Variants in CSMD2 observed in about 807,000 individuals in gnomAD.
The protein encoded by CSMD2 is CUB and Sushi multiple domains 2.
In CSMD2, 130 loss-of-function variants were observed where a neutral mutation model predicts 398.5. The ratio of observed to expected loss-of-function variants is 0.33; its 90% CI spans 0.28 to 0.38. CSMD2 has a LOEUF of 0.38. Among genes scored for constraint, CSMD2 ranks in the 10% least tolerant of loss-of-function variants. The pLI, the probability that CSMD2 is intolerant of heterozygous loss-of-function variation, is 1.00. For missense variants in CSMD2, 3,829 were observed against 4,764.9 expected (o/e 0.80, Z 5.78); for synonymous variants, 1,828 against 1,908.5 (o/e 0.96, Z 1.10).
Position 33,813,308 on chromosome 1 carries a change from G to T in CSMD2, c.1325-2444C>A, listed in dbSNP as rs1329943819. 8 of 152,146 alleles carry T rather than the reference G, an allele frequency of 5.3e-5. No individual in the cohort carries two copies. In the South Asian group the frequency reaches 1.4e-3, roughly 28 times the overall value. The allele number at this position is 152,146 out of a possible 1,614,324, so 9.4% of individuals were successfully genotyped here. A position where few individuals can be genotyped will look rare whatever the true frequency, so the allele number is the denominator to read the frequency against. On this transcript the variant is annotated intron_variant, in intron 9 of 70. Coordinates refer to ENST00000373381, the MANE Select transcript of CSMD2 (RefSeq NM_001281956.2). ...CACCTTAAACTAGGTTCAAAATGAA[G>T]CATTAGCTACTTTTTTCCTCTGCTA...
chr1:34,155,700 C>T (rs909004773), intron 1 of CSMD2, among the ~76,000 whole-genome samples: 1 of 152,308 alleles, frequency 6.6e-6, no homozygotes, highest in African/African-American at 2.4e-5. Flanking sequence ...CTGCAGAGGT[C>T]GTGAGCTCCC....
chr1:33,805,128 T>C (rs1456350146), intron 10 of CSMD2, among the ~76,000 whole-genome samples: 1 of 152,252 alleles, frequency 6.6e-6, no homozygotes, highest in Non-Finnish European at 1.5e-5. Context: ...CTAGGCCTTC[T>C]GGGGGTGAAT....
At position 33,825,697 on chromosome 1, in the gene CSMD2, A is replaced by G; in HGVS notation, c.1111T>C (p.Leu371=). The change falls in exon 7 of 71, where the codon TTA becomes CTA. Residue 371 remains leucine, a splice_region_variant and synonymous_variant. Transcript: ENST00000373381. The part of the protein sequence containing the change: ...SKDNSQKTSV[L]TQVGVSQGHN... ...GGCGGGCTGGCGGGCGGACACTTAC[A>G]CACAGACGTCTTCTGGCTGTTGTCT... The G allele has an allele frequency of 6.2e-7, 1 of 1,607,134 alleles. No homozygotes were observed. The highest frequency in any genetic ancestry group is 1.7e-4 in the Middle Eastern group (1 of 6,048).
intron 5 of CSMD2, among the ~76,000 whole-genome samples, chr1:33,886,871 A>G (rs1641629942): frequency 6.6e-6 from 1 of 152,202 alleles, no homozygotes; most frequent in South Asian, 2.1e-4. Context: ...GTTTAGAGCT[A>G]CTTTGTGCTG....
intron 3 of CSMD2, 56 bp downstream of exon 3, chr1:34,032,538 G>C: frequency 1.8e-6 from 2 of 1,138,960 alleles, no homozygotes; most frequent in Non-Finnish European, 2.5e-6. Context: ...AGTCCTGCTT[G>C]TGGCTATTAG....
At chr1:33,687,543 C>A (rs769062736) in intron 25 of CSMD2, among the ~76,000 whole-genome samples, 1 of 151,918 alleles carries the variant, frequency 6.6e-6, no homozygotes, top group Non-Finnish European at 1.5e-5. Context: ...GATCAGCTAA[C>A]AACAGGAAGA....
At chr1:33,724,026 C>T (rs1439262608) in intron 19 of CSMD2, among the ~76,000 whole-genome samples, 171 bp downstream of exon 19, 2 of 152,126 alleles carry the variant, frequency 1.3e-5, no homozygotes, top group Non-Finnish European at 2.9e-5. Context: ...ACAAGTTCTA[C>T]CATTCAAAGG....
At chr1:34,092,594 G>A (rs371893251) in intron 1 of CSMD2, among the ~76,000 whole-genome samples, 3 of 151,574 alleles carry the variant, frequency 2.0e-5, no homozygotes, top group Non-Finnish European at 3.0e-5. Flanking sequence ...TGCCTCACTC[G>A]GGACGTGCAA....
At chr1:34,140,319 A>AAC (rs1639163346) in intron 1 of CSMD2, among the ~76,000 whole-genome samples, 1 of 126,248 alleles carries the variant, frequency 7.9e-6, no homozygotes, top group Non-Finnish European at 1.6e-5. Context: ...CAAACAAACA[A>AAC]AAAAAAACCC....
chr1:33,571,555 C>A lies in CSMD2; in HGVS notation c.7934G>T (p.Gly2645Val), dbSNP rs1393828176. Reference protein sequence around the residue: ...RCQANGKWSLGDSTPTCRIIS... With the variant: ...RCQANGKWSLVDSTPTCRIIS... Reference sequence around the variant, plus strand: ...ACTTCGGCAGGTGGGCGTAGAGTCCCCGAGGCTCCATTTGCCATTGGCCTG... The same window carrying A: ...ACTTCGGCAGGTGGGCGTAGAGTCCACGAGGCTCCATTTGCCATTGGCCTG... The change falls in exon 51 of 71, where the codon GGG becomes GTG. Residue 2645 changes from glycine (G) to valine (V), a missense_variant. This residue lies in a region of CSMD2 where 723 missense variants were observed against 758.6 expected (regional missense o/e 0.95). Transcript: ENST00000373381. The A allele has an allele frequency of 6.6e-7, 1 of 1,519,534 alleles. No homozygotes were observed. Among genetic ancestry groups the A allele is most frequent in the Admixed American group, 1.8e-5 (1 of 55,970 alleles). 94.1% of individuals were successfully genotyped at this position (1,519,534 alleles called of 1,614,324 possible).
At chr1:33,853,972 C>G (rs192468426) in intron 5 of CSMD2, among the ~76,000 whole-genome samples, 1 of 152,306 alleles carries the variant, frequency 6.6e-6, no homozygotes, top group East Asian at 1.9e-4. Flanking sequence ...ATATTTGAGT[C>G]TCAACCACAG....
intron 3 of CSMD2, among the ~76,000 whole-genome samples, chr1:34,020,533 C>A (rs998643): frequency 3.3e-5 from 5 of 152,046 alleles, no homozygotes; most frequent in African/African-American, 4.8e-5. Context: ...CTGGCCCACC[C>A]GACTCTCCCA....
intron 68 of CSMD2, among the ~76,000 whole-genome samples, chr1:33,521,179 G>A (rs1448600535): frequency 6.6e-6 from 1 of 152,200 alleles, no homozygotes; most frequent in Non-Finnish European, 1.5e-5. Context: ...GTGTGGCTGG[G>A]GGCTGTATCT....
intron 13 of CSMD2, among the ~76,000 whole-genome samples, chr1:33,759,020 A>T (rs1649429763): frequency 6.6e-6 from 1 of 152,168 alleles, no homozygotes; most frequent in Non-Finnish European, 1.5e-5. Context: ...AGTCATTGAG[A>T]GTTTCGGGCT....
chr1:33,731,263 G>A (rs932104647), intron 15 of CSMD2, among the ~76,000 whole-genome samples: 3 of 152,078 alleles, frequency 2.0e-5, no homozygotes, highest in Non-Finnish European at 4.4e-5. Flanking sequence ...TAACCAAATA[G>A]TTGATGAGGA....
Position 34,164,817 on chromosome 1 carries a change from G to A in CSMD2, c.187+94C>T, listed in dbSNP as rs114358213. The A allele has an allele frequency of 3.3e-3, 3,561 of 1,066,460 alleles. 102 individuals carry two copies. In the African/African-American group the frequency reaches 0.055, roughly 17 times the overall value. 66.1% of individuals were successfully genotyped at this position (1,066,460 alleles called of 1,614,324 possible). A position where few individuals can be genotyped will look rare whatever the true frequency, so the allele number is the denominator to read the frequency against. ...GGAGATTCAGGCAGGGATAGAGGCGGGGGGAGGGACTGGGACCGGGTCGAG... is the reference window on the plus strand; with the variant it reads ...GGAGATTCAGGCAGGGATAGAGGCGAGGGGAGGGACTGGGACCGGGTCGAG... On this transcript the variant is annotated intron_variant, in intron 1 of 70. Transcript: ENST00000373381. The surrounding 1 kb of genome is among the most constrained non-coding windows in gnomAD (Gnocchi z 6.2).
intron 2 of CSMD2, among the ~76,000 whole-genome samples, chr1:34,057,323 C>T (rs1478337248): frequency 6.6e-6 from 1 of 152,190 alleles, no homozygotes; most frequent in African/African-American, 2.4e-5. Flanking sequence ...GCCACGCCAA[C>T]CTCAGCATAG....
chr1:33,591,886 C>G (rs1240135131), intron 44 of CSMD2: 1 of 158,258 alleles, frequency 6.3e-6, no homozygotes, highest in Non-Finnish European at 1.4e-5. Flanking sequence ...CTATCTCTCT[C>G]TCTCTGAGTA....
chr1:33,580,967 C>CA, intron 47 of CSMD2, 68 bp from the exon 48 acceptor site: 2 of 1,543,508 alleles, frequency 1.3e-6, no homozygotes, highest in Non-Finnish European at 1.8e-6. Flanking sequence ...GGGAAGACCT[C>CA]AGGGCTCAGA....
Sources: allele counts gnomAD v4.1 joint callset (sites outside exome capture counted in the v4.1 genomes callset), GRCh38; gene constraint gnomAD v4.1.1; regional missense constraint gnomAD v4.1.1; non-coding constraint Gnocchi (gnomAD v3.1); transcripts MANE v1.5; gene names NCBI Gene and HGNC (gene_info 2026-07-23, HGNC 2026-07-21).